Variants in ACLY observed in about 807,000 individuals in gnomAD.
The protein encoded by ACLY is ATP-citrate synthase.
ACLY carries 41 observed loss-of-function variants against 133.0 expected under a neutral mutation model. The ratio of observed to expected loss-of-function variants is 0.31; its 90% confidence interval spans 0.24 to 0.40. The LOEUF is 0.40. ACLY is among the 10% of genes least tolerant of loss of function. The probability of loss-of-function intolerance (pLI) is 1.00; values close to 1 mark genes in which losing one functional copy is unlikely to be tolerated. For synonymous variants in ACLY, 495 were observed against 549.3 expected (o/e 0.90, Z 1.38); for missense variants, 1,046 against 1,453.8 (o/e 0.72, Z 4.56).
intron 23 of ACLY, among the ~76,000 whole-genome samples, chr17:41,873,095 T>C (rs782606799): frequency 4.6e-5 from 7 of 151,996 alleles, no homozygotes; most frequent in Non-Finnish European, 7.4e-5. Context: ...AGGGCTAAGA[T>C]TGGGAGTTGC....
chr17:41,920,610 AAAAG>A (rs2050166948), upstream of ACLY, among the ~76,000 whole-genome samples: 1 of 151,576 alleles, frequency 6.6e-6, no homozygotes, highest in Admixed American at 6.6e-5. Context: ...AAAAAAAAAA[AAAAG>A]ATACACTCCA....
At position 41,869,073 on chromosome 17, in the gene ACLY, T is replaced by C; in HGVS notation, c.3104A>G (p.Asp1035Gly). ...AAAGGACCCACAGTTTCTAAGCATGTCTACAAATGCGACTCCGATGAGACC... is the reference window on the plus strand; with the variant it reads ...AAAGGACCCACAGTTTCTAAGCATGCCTACAAATGCGACTCCGATGAGACC... Reference protein sequence around the residue: ...VDGLIGVAFVDMLRNCGSFTR... With the variant: ...VDGLIGVAFVGMLRNCGSFTR... Residue 1035 changes from aspartate (D) to glycine (G), a missense_variant, in exon 27 of 29, where the codon GAC becomes GGC. Asp to Gly is a moderately conservative substitution (Grantham distance 94, BLOSUM62 -1). Transcript: ENST00000352035. 2 of 1,614,008 alleles carry C rather than the reference T, an allele frequency of 1.2e-6. No homozygotes were observed. The highest frequency in any genetic ancestry group is 1.7e-6 in the Non-Finnish European group (2 of 1,179,978).
intron 2 of ACLY, among the ~76,000 whole-genome samples, chr17:41,913,407 A>C (rs2049959761): frequency 6.6e-6 from 1 of 152,226 alleles, no homozygotes. Flanking sequence ...CATTGGAGAG[A>C]TGGGGAATCT....
At chr17:41,868,125 G>A (rs2048508169) in intron 28 of ACLY, among the ~76,000 whole-genome samples, 1 of 151,840 alleles carries the variant, frequency 6.6e-6, no homozygotes, top group Non-Finnish European at 1.5e-5. Context: ...ATTTTAAAGG[G>A]AAAAAATAAA....
chr17:41,893,199 G>A (rs782281146), intron 14 of ACLY, 25 bp from the exon 15 acceptor site: 37 of 1,605,664 alleles, frequency 2.3e-5, no homozygotes, highest in Non-Finnish European at 3.1e-5. Context: ...CACAGAGAGT[G>A]CACCCAGAAC....
chr17:41,922,460 A>G, upstream of ACLY, among the ~76,000 whole-genome samples: 1 of 149,492 alleles, frequency 6.7e-6, no homozygotes, highest in East Asian at 1.9e-4. Context: ...CTGTATGAGA[A>G]AAAAAAAAAG....
At chr17:41,884,532 C>T (rs1374231472) in intron 18 of ACLY, among the ~76,000 whole-genome samples, 1 of 152,166 alleles carries the variant, frequency 6.6e-6, no homozygotes. Flanking sequence ...CAGAGAGGTT[C>T]GCTCAGCAGT....
chr17:41,916,132 G>A (rs975294730), intron 1 of ACLY, among the ~76,000 whole-genome samples: 1 of 152,150 alleles, frequency 6.6e-6, no homozygotes, highest in Non-Finnish European at 1.5e-5. Context: ...TCTTTGGAAG[G>A]GGGATAGGAG....
At position 41,867,676 on chromosome 17, in the gene ACLY, G is replaced by T; in HGVS notation, c.*134C>A. On this transcript the variant is annotated 3_prime_UTR_variant, in exon 29 of 29. Transcript: ENST00000352035. ...TAGCCTGTGGATGTTGGTCTTCGGT[G>T]CCTGTACCCCAGTGGCTGTTTACAT... 1.8e-6 allele frequency: 1 copy of T among 562,612 alleles called. No homozygotes were observed. Among genetic ancestry groups the T allele is most frequent in the Non-Finnish European group, 3.1e-6 (1 of 325,268 alleles). The allele number at this position is 562,612 out of a possible 1,614,324, so 34.9% of individuals were successfully genotyped here. A position where few individuals can be genotyped will look rare whatever the true frequency, so the allele number is the denominator to read the frequency against.
intron 16 of ACLY, among the ~76,000 whole-genome samples, chr17:41,889,745 G>C: frequency 6.8e-6 from 1 of 146,292 alleles, no homozygotes; most frequent in South Asian, 2.2e-4. Context: ...GAGTACAATA[G>C]CACGACCTTG....
intron 1 of ACLY, among the ~76,000 whole-genome samples, chr17:41,917,298 C>G (rs1240639182): frequency 2.0e-5 from 3 of 152,146 alleles, no homozygotes; most frequent in Non-Finnish European, 4.4e-5. Flanking sequence ...TGAGCTTGGA[C>G]TCCAGGAACT....
intron 10 of ACLY, chr17:41,904,360 G>T (rs148645471): frequency 2.0e-4 from 1 of 5,044 alleles, no homozygotes; most frequent in African/African-American, 3.1e-4. Flanking sequence ...GAAGAAGGAA[G>T]GGAAGGGAAG....
At chr17:41,918,768 C>A (rs938822104) in intron 1 of ACLY, 112 bp downstream of exon 1, 5 of 1,218,126 alleles carry the variant, frequency 4.1e-6, no homozygotes, top group Middle Eastern at 4.6e-4. Flanking sequence ...CCGAGCAGGG[C>A]GCGTGGGCAC....
At chr17:41,899,718 C>A (rs1555631177) in intron 11 of ACLY, among the ~76,000 whole-genome samples, 1 of 152,038 alleles carries the variant, frequency 6.6e-6, no homozygotes, top group Admixed American at 6.6e-5. Flanking sequence ...CAGGCCTGCC[C>A]CACTGCACAT....
upstream of ACLY, among the ~76,000 whole-genome samples, chr17:41,921,751 C>T (rs2050186352): frequency 6.6e-6 from 1 of 151,884 alleles, no homozygotes; most frequent in Admixed American, 6.6e-5. Flanking sequence ...GGGAAAATCA[C>T]TTGCGTCCAG....
intron 23 of ACLY, among the ~76,000 whole-genome samples, chr17:41,872,749 G>A (rs2048628994): frequency 6.6e-6 from 1 of 152,210 alleles, no homozygotes; most frequent in East Asian, 1.9e-4. Flanking sequence ...TATGCTCCAT[G>A]TGCCAGACTG....
intron 14 of ACLY, 133 bp from the exon 15 acceptor site, chr17:41,893,307 T>C (rs777463121): frequency 9.5e-6 from 10 of 1,056,280 alleles, no homozygotes; most frequent in Middle Eastern, 3.1e-4. Flanking sequence ...CGTAAAGGAA[T>C]GTCAAGAGGA....
chr17:41,924,170 A>G (rs2050214705), intron 1 of ACLY, among the ~76,000 whole-genome samples: 1 of 149,502 alleles, frequency 6.7e-6, no homozygotes, highest in African/African-American at 2.5e-5. Flanking sequence ...TTTGAGACTG[A>G]GTCTCGCTCT....
intron 17 of ACLY, among the ~76,000 whole-genome samples, chr17:41,887,322 C>T (rs563748883): frequency 2.0e-5 from 3 of 151,938 alleles, no homozygotes; most frequent in Admixed American, 2.0e-4. Context: ...GCCTGTAATC[C>T]CAGCTACTTG....
Sources: gnomAD v4.1 joint callset for allele counts (sites outside exome capture counted in the v4.1 genomes callset) on GRCh38, gnomAD v4.1.1 for gene constraint, MANE v1.5 for transcripts, NCBI Gene and HGNC (gene_info 2026-07-23, HGNC 2026-07-21) for gene names.